The following NCOA5 variants were observed in gnomAD, a reference collection of about 807,000 sequenced individuals.
NCOA5 encodes nuclear receptor coactivator 5.
Under a neutral mutation model 59.0 loss-of-function variants are expected in NCOA5, and 12 were observed. That is an observed-to-expected ratio of 0.20 (90% CI 0.13 to 0.33). The LOEUF is 0.33. NCOA5 is among the 10% of genes least tolerant of loss of function. The pLI is 1.00. For missense variants in NCOA5, 655 were observed against 766.6 expected, an observed-to-expected ratio of 0.85 and a Z score of 1.72; for synonymous variants, 270 against 275.5, an observed-to-expected ratio of 0.98 and a Z score of 0.20.
intron 2 of NCOA5, among the ~76,000 whole-genome samples, chr20:46,074,151 A>T (rs1219434446): frequency 6.6e-6 from 1 of 152,076 alleles, no homozygotes; most frequent in East Asian, 1.9e-4. Flanking sequence ...AAAACAAAAA[A>T]CCCTTTAGGG....
chr20:46,074,651 A>G (rs573797650), intron 2 of NCOA5, among the ~76,000 whole-genome samples: 1 of 152,336 alleles, frequency 6.6e-6, no homozygotes, highest in East Asian at 1.9e-4. Flanking sequence ...GTGAAGGGGA[A>G]AACAATGGCT....
intron 1 of NCOA5, among the ~76,000 whole-genome samples, chr20:46,081,273 A>T (rs1402162205): frequency 6.6e-6 from 1 of 152,116 alleles, no homozygotes; most frequent in African/African-American, 2.4e-5. Context: ...AGTACAACAC[A>T]TATAGTATTA....
At chr20:46,072,598 C>T (rs1568882387) in intron 2 of NCOA5, among the ~76,000 whole-genome samples, 1 of 152,234 alleles carries the variant, frequency 6.6e-6, no homozygotes, top group Non-Finnish European at 1.5e-5. Context: ...ACACCCTCTC[C>T]CTAGTTCACC....
chr20:46,065,399 G>C (rs772543440), intron 5 of NCOA5, among the ~76,000 whole-genome samples, 171 bp from the exon 6 acceptor site: 4 of 152,176 alleles, frequency 2.6e-5, no homozygotes, highest in Admixed American at 6.5e-5. Flanking sequence ...GCTCAGAACG[G>C]TTGTGACTTG....
At chr20:46,070,785 C>T (rs112874964) in intron 2 of NCOA5, among the ~76,000 whole-genome samples, 118 of 152,232 alleles carry the variant, frequency 7.8e-4, no homozygotes, top group Non-Finnish European at 1.5e-3. Flanking sequence ...GACTGGATAA[C>T]AGTATTCATC....
At position 46,063,495 on chromosome 20, in the gene NCOA5, G is replaced by A. The variant is rs372793665; in HGVS notation, c.1015C>T (p.Pro339Ser). ...GPEEGVRGGH[P>S]PAIQSLINLL... The stretch of plus-strand genomic sequence containing the variant: ...TTGATGAGGCTCTGGATGGCTGGAG[G>A]GTGGCCCCCACGCACTCCCTCCTCA... The change falls in exon 7 of 8, where the codon CCT becomes TCT. Residue 339 changes from proline to serine, a missense_variant. Physicochemically the swap from Pro to Ser is moderately conservative, Grantham distance 74. Transcript: ENST00000290231. The A allele has an allele frequency of 6.2e-7, 1 of 1,614,206 alleles. No homozygotes were observed. Among genetic ancestry groups the A allele is most frequent in the Non-Finnish European group, 8.5e-7 (1 of 1,180,030 alleles).
At chr20:46,074,068 A>G (rs1011128910) in intron 2 of NCOA5, among the ~76,000 whole-genome samples, 5 of 152,222 alleles carry the variant, frequency 3.3e-5, no homozygotes, top group African/African-American at 4.8e-5. Context: ...CTCAAAAGGA[A>G]AGGCAAAGCC....
chr20:46,062,744 C>T lies in NCOA5; in HGVS notation c.1296G>A (p.Gln432=). 2 of 1,611,944 alleles carry T rather than the reference C, an allele frequency of 1.2e-6. No individual in the cohort carries two copies. The highest frequency in any genetic ancestry group is 4.5e-5 in the East Asian group (2 of 44,828). ...SAPPTSQQEL[Q]AKILSLFNSG... is the part of the protein sequence containing the mutation. ...TATTGAAGAGGCTGAGGATTTTGGC[C>T]TGAAGCTCTTGCTGGGAGGTGGGGG... The change falls in exon 8 of 8, where the codon CAG becomes CAA. Residue 432 remains glutamine, a synonymous_variant. Transcript: ENST00000290231.
chr20:46,066,989 C>G (rs1369882697), intron 5 of NCOA5, 66 bp downstream of exon 5: 16 of 1,572,138 alleles, frequency 1.0e-5, no homozygotes, highest in Non-Finnish European at 1.4e-5. Flanking sequence ...GATAGAGGTG[C>G]TAAACAGGAG....
Position 46,067,019 on chromosome 20 carries a change from TCTC to T in NCOA5, c.629+33_629+35del, listed in dbSNP as rs534937517. On this transcript the variant is annotated intron_variant, in intron 5 of 7. Coordinates refer to ENST00000290231, the MANE Select transcript of NCOA5 (RefSeq NM_020967.3). ...CAGGAGCCTGAATTTCTCTGACTCT[TCTC>T]CTTACTGGGGAGAAATATCTAAGGG... The T allele has an allele frequency of 2.2e-3, 3,459 of 1,606,208 alleles. 32 individuals are homozygous for T. The highest frequency in any genetic ancestry group is 0.017 in the South Asian group (1,572 of 89,852).
At chr20:46,076,245 A>G (rs1168385104) in intron 2 of NCOA5, among the ~76,000 whole-genome samples, 1 of 152,168 alleles carries the variant, frequency 6.6e-6, no homozygotes, top group Non-Finnish European at 1.5e-5. Context: ...CAAAATGATT[A>G]GGGCTGCCAA....
intron 2 of NCOA5, among the ~76,000 whole-genome samples, chr20:46,071,108 G>A (rs939969227): frequency 6.6e-6 from 1 of 150,826 alleles, no homozygotes; most frequent in Admixed American, 6.6e-5. Context: ...GAGGGTTTAC[G>A]TAGAAGCTGA....
intron 2 of NCOA5, among the ~76,000 whole-genome samples, chr20:46,075,195 C>T (rs1048141514): frequency 6.6e-6 from 1 of 152,162 alleles, no homozygotes; most frequent in African/African-American, 2.4e-5. Context: ...ACCTCACAGA[C>T]CCAAATTTTA....
chr20:46,080,543 G>A (rs1568886560), intron 1 of NCOA5, among the ~76,000 whole-genome samples: 1 of 152,104 alleles, frequency 6.6e-6, no homozygotes, highest in Non-Finnish European at 1.5e-5. Flanking sequence ...ATCCCAACCA[G>A]ATTCCTATCA....
At chr20:46,063,191 T>G (rs966594253) in intron 7 of NCOA5, 169 bp downstream of exon 7, 13 of 670,072 alleles carry the variant, frequency 1.9e-5, no homozygotes, top group Non-Finnish European at 2.5e-5. Context: ...AAATATAAAG[T>G]TATTATTAAC....
intron 2 of NCOA5, among the ~76,000 whole-genome samples, chr20:46,077,153 G>A (rs2084946635): frequency 6.6e-6 from 1 of 152,066 alleles, no homozygotes; most frequent in Non-Finnish European, 1.5e-5. Context: ...CAAGTGATCC[G>A]CCCACCTCGT....
rs201236586 is a variant in NCOA5, at chr20:46,063,372, C to T, written c.1138G>A (p.Asp380Asn). The T allele has an allele frequency of 3.9e-5, 63 of 1,612,534 alleles. No homozygotes were observed. The highest frequency in any genetic ancestry group is 5.1e-5 in the Non-Finnish European group (60 of 1,179,982). The change falls in exon 7 of 8, where the codon GAC (aspartate) becomes AAC (asparagine). Residue 380 changes from aspartate to asparagine, a missense_variant. By Grantham distance (23) the Asp-to-Asn change is conservative. Around this residue, in one of 3 missense-constraint regions of NCOA5, gnomAD observed 325 missense variants for 353.2 expected, o/e 0.92. Transcript: ENST00000290231. ...CCACGTAGCTCACCAGGCAGAGAGT[C>T]GGTGCTGCTCCTCATCAGCCGCTCC... is the stretch of plus-strand genomic sequence containing the variant. The part of the protein sequence containing the change: ...RKERLMRSST[D>N]SLPGPISRQP...
In NCOA5 at chr20:46,063,373, G is replaced by A. The variant is rs748684565; in HGVS notation, c.1137C>T (p.Thr379=). 5 of 1,612,580 alleles carry A rather than the reference G, an allele frequency of 3.1e-6. No homozygotes were observed. Among genetic ancestry groups the A allele is most frequent in the African/African-American group, 1.3e-5 (1 of 74,888 alleles). The change falls in exon 7 of 8, where the codon ACC becomes ACT. Residue 379 remains threonine (T), a synonymous_variant. Coordinates refer to ENST00000290231, the MANE Select transcript of NCOA5 (RefSeq NM_020967.3). ...CACGTAGCTCACCAGGCAGAGAGTC[G>A]GTGCTGCTCCTCATCAGCCGCTCCT... The part of the protein sequence containing the change: ...ERKERLMRSS[T]DSLPGPISRQ...
At chr20:46,084,607 C>T (rs1230500123) in intron 1 of NCOA5, among the ~76,000 whole-genome samples, 1 of 152,176 alleles carries the variant, frequency 6.6e-6, no homozygotes, top group South Asian at 2.1e-4. Flanking sequence ...AAGGAAAGGG[C>T]ATTTGGCTGG....
Sources: allele counts gnomAD v4.1 joint callset (sites outside exome capture counted in the v4.1 genomes callset), GRCh38; gene constraint gnomAD v4.1.1; regional missense constraint gnomAD v4.1.1; transcripts MANE v1.5; gene names NCBI Gene and HGNC (gene_info 2026-07-23, HGNC 2026-07-21).